Variants in GRM8 observed in about 807,000 individuals in gnomAD.
The protein encoded by GRM8 is metabotropic glutamate receptor 8.
GRM8 carries 47 observed loss-of-function variants against 87.2 expected under a neutral mutation model. That is an observed-to-expected ratio of 0.54 (90% CI 0.43 to 0.69). GRM8 has a LOEUF of 0.69. GRM8 is among the 30% of genes least tolerant of loss of function. The probability of loss-of-function intolerance (pLI) is 0.00; values close to 1 mark genes in which losing one functional copy is unlikely to be tolerated. For missense variants in GRM8, 1,019 were observed against 1,139.2 expected, an observed-to-expected ratio of 0.89 and a Z score of 1.52; for synonymous variants, 396 against 404.5, an observed-to-expected ratio of 0.98 and a Z score of 0.25.
intron 3 of GRM8, among the ~76,000 whole-genome samples, chr7:127,047,555 T>C: frequency 6.6e-6 from 1 of 152,090 alleles, no homozygotes; most frequent in African/African-American, 2.4e-5. Flanking sequence ...GCAGTCCAGA[T>C]GCAGTGGCTC....
At chr7:126,788,420 A>AAAAAAAAAAAAAAAAAACAAAAAAC in intron 6 of GRM8, among the ~76,000 whole-genome samples, 1 of 81,138 alleles carries the variant, frequency 1.2e-5, no homozygotes, top group East Asian at 3.7e-4. Context: ...AAAAAAAAAA[A>AAAAAAAAAAAAAAAAAACAAAAAAC]AAACCCTTTC....
At chr7:126,873,532 A>C (rs890159523) in intron 6 of GRM8, among the ~76,000 whole-genome samples, 4 of 152,022 alleles carry the variant, frequency 2.6e-5, no homozygotes, top group African/African-American at 9.7e-5. Flanking sequence ...AACTTCCCTA[A>C]AGTTACCTGA....
At chr7:126,706,848 C>T (rs528367182) in intron 7 of GRM8, among the ~76,000 whole-genome samples, 1 of 152,184 alleles carries the variant, frequency 6.6e-6, no homozygotes, top group Admixed American at 6.6e-5. Flanking sequence ...TTCAATGGTC[C>T]TCCTTATTCA....
intron 6 of GRM8, among the ~76,000 whole-genome samples, chr7:126,846,852 A>G (rs1156750685): frequency 1.3e-5 from 2 of 152,122 alleles, no homozygotes; most frequent in Non-Finnish European, 2.9e-5. Context: ...CATGTTACCC[A>G]GTGTGGACCA....
intron 3 of GRM8, among the ~76,000 whole-genome samples, chr7:127,079,807 A>G (rs1372881234): frequency 6.6e-6 from 1 of 151,672 alleles, no homozygotes; most frequent in Non-Finnish European, 1.5e-5. Flanking sequence ...ATCAAACAAA[A>G]AGGCCCCCAA....
At chr7:126,624,371 C>T (rs964273212) in intron 7 of GRM8, among the ~76,000 whole-genome samples, 35 of 152,194 alleles carry the variant, frequency 2.3e-4, no homozygotes, top group Admixed American at 1.4e-3. Context: ...TTCTTCCCGA[C>T]TTGATCTTCT....
intron 6 of GRM8, among the ~76,000 whole-genome samples, chr7:126,835,114 T>G (rs1350576322): frequency 1.3e-5 from 2 of 148,986 alleles, no homozygotes; most frequent in African/African-American, 2.5e-5. Flanking sequence ...AAAAGAAAAA[T>G]AAAACAGAAT....
intron 9 of GRM8, among the ~76,000 whole-genome samples, chr7:126,520,121 T>C (rs563801640): frequency 4.7e-4 from 72 of 152,120 alleles, no homozygotes; most frequent in African/African-American, 1.5e-3. Flanking sequence ...AGGAAAAACA[T>C]AGATCTAGGA....
chr7:127,111,822 T>C (rs1239224846), intron 2 of GRM8, among the ~76,000 whole-genome samples: 5 of 151,790 alleles, frequency 3.3e-5, no homozygotes, highest in African/African-American at 1.2e-4. Context: ...AGGTCAGGAG[T>C]TCGAGACCAG....
intron 7 of GRM8, among the ~76,000 whole-genome samples, chr7:126,687,028 T>C (rs1808261575): frequency 6.6e-6 from 1 of 152,206 alleles, no homozygotes; most frequent in Non-Finnish European, 1.5e-5. Flanking sequence ...TAAAATACAA[T>C]ACATACACAG....
intron 3 of GRM8, among the ~76,000 whole-genome samples, chr7:126,905,298 C>T (rs1485465420): frequency 1.3e-5 from 2 of 152,144 alleles, no homozygotes; most frequent in African/African-American, 4.8e-5. Context: ...GGCAGAAATA[C>T]CATCTCATTT....
chr7:126,883,642 T>C (rs1218272600), intron 6 of GRM8, among the ~76,000 whole-genome samples: 1 of 152,192 alleles, frequency 6.6e-6, no homozygotes, highest in Non-Finnish European at 1.5e-5. Flanking sequence ...TGAGACTGCA[T>C]TTCAGATGGA....
chr7:127,008,031 C>A (rs1217057111), intron 3 of GRM8, among the ~76,000 whole-genome samples: 2 of 152,086 alleles, frequency 1.3e-5, no homozygotes, highest in East Asian at 1.9e-4. Flanking sequence ...TTAATTGTTT[C>A]TTTGGCTTTC....
rs1358015203 is a variant in GRM8, at chr7:126,960,629, C to T, written c.728-55946G>A. Reference sequence around the variant, plus strand: ...AGACATAAGAAAATAATTTTGTAGCCTTAGACTAATACCTAGATTTGGCTT... The same window carrying T: ...AGACATAAGAAAATAATTTTGTAGCTTTAGACTAATACCTAGATTTGGCTT... On this transcript the variant is annotated intron_variant, in intron 3 of 10. Transcript: ENST00000339582. Among the ~76,000 whole-genome samples the T allele has an allele frequency of 2.0e-5, 3 of 152,084 alleles. 1 individual carries two copies. The highest frequency in any genetic ancestry group is 7.2e-5 in the African/African-American group (3 of 41,412).
intron 3 of GRM8, among the ~76,000 whole-genome samples, chr7:127,047,248 C>T (rs913855058): frequency 1.3e-5 from 2 of 152,042 alleles, no homozygotes; most frequent in Non-Finnish European, 2.9e-5. Context: ...ACCATATGGC[C>T]CACAAAGCCT....
At chr7:127,015,064 G>GAAGAAGAAGAAGAAAGA (rs1554568485) in intron 3 of GRM8, among the ~76,000 whole-genome samples, 1 of 87,838 alleles carries the variant, frequency 1.1e-5, no homozygotes, top group African/African-American at 3.7e-5. Flanking sequence ...AGAAGAAGAA[G>GAAGAAGAAGAAGAAAGA]AAGAAAGAAA....
At chr7:126,784,255 A>G (rs1820393404) in intron 6 of GRM8, among the ~76,000 whole-genome samples, 2 of 152,224 alleles carry the variant, frequency 1.3e-5, no homozygotes, top group African/African-American at 2.4e-5. Flanking sequence ...CCTTGTGTAC[A>G]AAAACAAAAA....
intron 3 of GRM8, among the ~76,000 whole-genome samples, chr7:127,095,364 T>G (rs1156738407): frequency 6.6e-6 from 1 of 152,148 alleles, no homozygotes; most frequent in African/African-American, 2.4e-5. Context: ...TTAAAATTGC[T>G]GCCAAGGGCA....
In GRM8 at chr7:126,439,182, T is replaced by C. The variant is rs1442941116; in HGVS notation, c.2678-14A>G. The C allele has an allele frequency of 1.4e-6, 2 of 1,420,664 alleles. No homozygotes were observed. The highest frequency in any genetic ancestry group is 2.3e-5 in the South Asian group (2 of 87,138). 88.0% of individuals were successfully genotyped at this position (1,420,664 alleles called of 1,614,324 possible). ...TGGTAGAGGAAGCTGTTAAGATAAATGAGGACAAATTAAAATAGTATATAA... is the reference window on the plus strand; with the variant it reads ...TGGTAGAGGAAGCTGTTAAGATAAACGAGGACAAATTAAAATAGTATATAA... On this transcript the variant is annotated splice_polypyrimidine_tract_variant and intron_variant, in intron 10 of 10. Transcript: ENST00000339582.
Sources: allele counts gnomAD v4.1 joint callset (sites outside exome capture counted in the v4.1 genomes callset), GRCh38; gene constraint gnomAD v4.1.1; transcripts MANE v1.5; gene names NCBI Gene and HGNC (gene_info 2026-07-23, HGNC 2026-07-21).